The following SUMF2 variants were observed in gnomAD, a reference collection of about 807,000 sequenced individuals.
SUMF2 encodes sulfatase modifying factor 2.
Under a neutral mutation model 44.8 loss-of-function variants are expected in SUMF2, and 45 were observed. The observed-to-expected ratio is 1.00, with a 90% CI of 0.79 to 1.29. The LOEUF is 1.29. Among genes scored for constraint, SUMF2 ranks in the 50% most tolerant of loss-of-function variants. The pLI is 0.00. For synonymous variants in SUMF2, 148 were observed against 150.4 expected (o/e 0.98, Z 0.12); for missense variants, 418 against 389.9 (o/e 1.07, Z -0.61).
At chr7:56,076,787 A>T (rs1469888386) in intron 5 of SUMF2, 47 bp from the exon 6 acceptor site, 1 of 1,523,768 alleles carries the variant, frequency 6.6e-7, no homozygotes, top group Non-Finnish European at 8.9e-7. Flanking sequence ...TTCCTTCCCT[A>T]ATTCTTCACC....
In SUMF2 at chr7:56,064,301, C is replaced by A; in HGVS notation, c.-11C>A. Reference sequence around the variant, plus strand: ...GGCCGTGGGTGTACGCGGCGCAGCGCGGCAGTCCTGATGGCCCGGCATGGG... The same window carrying A: ...GGCCGTGGGTGTACGCGGCGCAGCGAGGCAGTCCTGATGGCCCGGCATGGG... On this transcript the variant is annotated 5_prime_UTR_variant, in exon 1 of 9. Coordinates refer to ENST00000434526, the MANE Select transcript of SUMF2 (RefSeq NM_015411.4). 6.3e-7 allele frequency: 1 copy of A among 1,583,984 alleles called. No homozygotes were observed. The highest frequency in any genetic ancestry group is 8.6e-7 in the Non-Finnish European group (1 of 1,165,384).
chr7:56,074,552 C>T, intron 4 of SUMF2, 34 bp from the exon 5 acceptor site: 1 of 1,609,584 alleles, frequency 6.2e-7, no homozygotes, highest in Non-Finnish European at 8.5e-7. Context: ...TAATGCGCTC[C>T]CGGAAGCCTG....
At chr7:56,064,491 G>A in intron 1 of SUMF2, 113 bp downstream of exon 1, 2 of 1,427,454 alleles carry the variant, frequency 1.4e-6, no homozygotes, top group Non-Finnish European at 9.3e-7. Context: ...GGCTGCAGCG[G>A]CAGGCTGGGG....
At chr7:56,072,368 G>A (rs192813592) in intron 2 of SUMF2, among the ~76,000 whole-genome samples, 3 of 152,076 alleles carry the variant, frequency 2.0e-5, no homozygotes, top group African/African-American at 7.2e-5. Context: ...GGAGGTTGCA[G>A]TGAGCTGAGA....
chr7:56,079,245 C>T lies in SUMF2; in HGVS notation c.822-283C>T, dbSNP rs555649016. 32 of 536,010 alleles carry T rather than the reference C, an allele frequency of 6.0e-5. No homozygotes were observed. The African/African-American group carries it at 6.0e-4, about 10-fold the overall frequency. The allele number at this position is 536,010 out of a possible 1,614,324, so 33.2% of individuals were successfully genotyped here. On this transcript the variant is annotated intron_variant, in intron 8 of 8. Transcript: ENST00000434526. Reference sequence around the variant, plus strand: ...GTCAACTGCTAACATAGAAGTTAGTCACTGTCTTTTCTGCTCTTCAGTGCT... The same window carrying T: ...GTCAACTGCTAACATAGAAGTTAGTTACTGTCTTTTCTGCTCTTCAGTGCT...
At chr7:56,084,023 C>G, downstream of SUMF2, 2 of 631,596 alleles carry the variant, frequency 3.2e-6, no homozygotes, top group Non-Finnish European at 5.5e-6. Flanking sequence ...CCCACCATTT[C>G]ATGAGGTAGG....
At chr7:56,069,700 C>T (rs1463645488) in intron 2 of SUMF2, among the ~76,000 whole-genome samples, 1 of 151,950 alleles carries the variant, frequency 6.6e-6, no homozygotes, top group South Asian at 2.1e-4. Flanking sequence ...GTCCCAGGCT[C>T]AAACCATCAC....
At chr7:56,072,963 CACCAGCTGA>C (rs776729860) in intron 2 of SUMF2, 25 bp from the exon 3 acceptor site, 5 of 1,550,640 alleles carry the variant, frequency 3.2e-6, no homozygotes, top group Admixed American at 1.7e-5. Flanking sequence ...CACAGAACCT[CACCAGCTGA>C]ACCAGCTGAA....
chr7:56,067,249 G>C (rs1414905922), intron 1 of SUMF2, among the ~76,000 whole-genome samples: 3 of 152,172 alleles, frequency 2.0e-5, no homozygotes, highest in Non-Finnish European at 4.4e-5. Context: ...GAGGAAGAAA[G>C]AGGTAAGTGC....
chr7:56,079,847 T>G lies in SUMF2; in HGVS notation c.*235T>G, dbSNP rs767732339. ...TGACGATGGCTGGGGGCCAGGTGTT[T>G]CTGTTAGAGGCCAAGTATTATTGAC... On this transcript the variant is annotated 3_prime_UTR_variant, in exon 9 of 9. Transcript: ENST00000434526. 9.7e-6 allele frequency: 15 copies of G among 1,550,266 alleles called. No individual in the cohort carries two copies. Among genetic ancestry groups the G allele is most frequent in the Non-Finnish European group, 1.3e-5 (15 of 1,146,178 alleles).
chr7:56,074,041 AAAATC>A, intron 3 of SUMF2, 128 bp from the exon 4 acceptor site: 10 of 649,714 alleles, frequency 1.5e-5, no homozygotes, highest in East Asian at 2.9e-5. Flanking sequence ...AAAAAAAAAA[AAAATC>A]AGCCACAACC....
In SUMF2 at chr7:56,078,123, A is replaced by C. The variant is rs1408172840; in HGVS notation, c.613A>C (p.Lys205Gln). The C allele has an allele frequency of 6.2e-7, 1 of 1,612,522 alleles. No individual in the cohort carries two copies. The highest frequency in any genetic ancestry group is 1.1e-5 in the South Asian group (1 of 91,010). ...TCAGGGAAAGTTCCCCAAGGGAGACAAAGCTGAGGATGGCTTCCATGGAGT... is the reference window on the plus strand; with the variant it reads ...TCAGGGAAAGTTCCCCAAGGGAGACCAAGCTGAGGATGGCTTCCATGGAGT... The part of the protein sequence containing the change: ...LWQGKFPKGD[K>Q]AEDGFHGVSP... Residue 205 changes from lysine to glutamine, a missense_variant, in exon 7 of 9, where the codon AAA becomes CAA. Lys to Gln is a moderately conservative substitution (Grantham distance 53, BLOSUM62 1). Coordinates refer to ENST00000434526, the MANE Select transcript of SUMF2 (RefSeq NM_015411.4).
chr7:56,067,299 ATTG>A lies in SUMF2; in HGVS notation c.68-1180_68-1178del, dbSNP rs1439575097. On this transcript the variant is annotated intron_variant, in intron 1 of 8. Transcript: ENST00000434526. ...TTCAACATTTCACCCATGCTATCTTATTGTTATTATTATCTTTTTATTTTTTAT... is the reference window on the plus strand; with the variant it reads ...TTCAACATTTCACCCATGCTATCTTATTATTATTATCTTTTTATTTTTTAT... 2.6e-5 allele frequency among the ~76,000 whole-genome samples: 4 copies of A among 152,048 alleles called. No individual in the cohort carries two copies. The South Asian group carries it at 6.2e-4, about 24-fold the overall frequency.
downstream of SUMF2, chr7:56,081,490 T>G (rs1795988348): frequency 2.4e-6 from 3 of 1,257,298 alleles, no homozygotes; most frequent in Non-Finnish European, 3.3e-6. This position sits in a 1 kb window ranked among gnomAD's most constrained non-coding sequence, Gnocchi z 4.6. Flanking sequence ...ACCTGCCGTC[T>G]TTGAAGCCAT....
intron 2 of SUMF2, among the ~76,000 whole-genome samples, chr7:56,069,816 T>C (rs1163042833): frequency 6.6e-6 from 1 of 152,112 alleles, no homozygotes; most frequent in Non-Finnish European, 1.5e-5. Context: ...ACTCCTGGGC[T>C]CAAATGATCC....
rs1222336318 is a variant in SUMF2 at position 56,072,430 on chromosome 7, A to G, written c.225-567A>G. Reference sequence around the variant, plus strand: ...AACAGAGTGAGACTTTGTCTCAAAAAAATAAATAAATAGGACAGGTGTGGT... The same window carrying G: ...AACAGAGTGAGACTTTGTCTCAAAAGAATAAATAAATAGGACAGGTGTGGT... On this transcript the variant is annotated intron_variant, in intron 2 of 8. Coordinates refer to ENST00000434526, the MANE Select transcript of SUMF2 (RefSeq NM_015411.4). Among the ~76,000 whole-genome samples, 7 of 143,132 alleles carry G rather than the reference A, an allele frequency of 4.9e-5. No homozygotes were observed. In the East Asian group the frequency reaches 1.5e-3, roughly 31 times the overall value. 93.9% of individuals were successfully genotyped at this position (143,132 alleles called of 152,430 possible). A position where few individuals can be genotyped will look rare whatever the true frequency, so the allele number is the denominator to read the frequency against.
At chr7:56,076,744 C>T (rs1795577869) in intron 5 of SUMF2, 90 bp from the exon 6 acceptor site, 2 of 1,259,284 alleles carry the variant, frequency 1.6e-6, no homozygotes, top group Non-Finnish European at 2.2e-6. Flanking sequence ...CTCTAACTTC[C>T]TTTTGATTCC....
chr7:56,064,306 G>A lies in SUMF2; in HGVS notation c.-6G>A. 4 of 1,588,240 alleles carry A rather than the reference G, an allele frequency of 2.5e-6. No individual in the cohort carries two copies. The highest frequency in any genetic ancestry group is 3.4e-6 in the Non-Finnish European group (4 of 1,167,586). On this transcript the variant is annotated 5_prime_UTR_variant, in exon 1 of 9. Transcript: ENST00000434526. The stretch of plus-strand genomic sequence containing the variant: ...TGGGTGTACGCGGCGCAGCGCGGCA[G>A]TCCTGATGGCCCGGCATGGGTTACC...
chr7:56,081,197 G>A (rs377647499), downstream of SUMF2: 8 of 1,613,832 alleles, frequency 5.0e-6, no homozygotes, highest in Middle Eastern at 1.6e-4. The surrounding 1 kb of genome is among the most constrained non-coding windows in gnomAD (Gnocchi z 4.6). Flanking sequence ...CGCAGAGGCC[G>A]GAGGGCATAG....
Sources: gnomAD v4.1 joint callset for allele counts (sites outside exome capture counted in the v4.1 genomes callset) on GRCh38, gnomAD v4.1.1 for gene constraint, Gnocchi (gnomAD v3.1) non-coding constraint, MANE v1.5 for transcripts, NCBI Gene and HGNC (gene_info 2026-07-23, HGNC 2026-07-21) for gene names.